The following GRID2 variants were observed in gnomAD, a reference collection of about 807,000 sequenced individuals.
GRID2 encodes the protein glutamate receptor ionotropic, delta-2.
A neutral mutation model predicts 114.8 loss-of-function variants in GRID2; 33 were observed. The ratio of observed to expected loss-of-function variants is 0.29; its 90% CI spans 0.22 to 0.38. GRID2 has a LOEUF of 0.38. GRID2 is among the 10% of genes least tolerant of loss of function. The pLI, the probability that GRID2 is intolerant of heterozygous loss-of-function variation, is 1.00. For missense variants in GRID2, 1,184 were observed against 1,257.7 expected, an observed-to-expected ratio of 0.94 and a Z score of 0.89; for synonymous variants, 505 against 449.9, an observed-to-expected ratio of 1.12 and a Z score of -1.55.
chr4:93,791,395 T>C (rs951597571), intron 1 of GRID2, among the ~76,000 whole-genome samples: 4 of 152,092 alleles, frequency 2.6e-5, no homozygotes, highest in Admixed American at 1.3e-4. Flanking sequence ...AGCAACATTA[T>C]AAAAAGGTCA....
At chr4:92,437,744 T>TACA (rs1171518460) in intron 1 of GRID2, among the ~76,000 whole-genome samples, 5 of 152,238 alleles carry the variant, frequency 3.3e-5, no homozygotes, top group African/African-American at 1.2e-4. Flanking sequence ...ACTTCCTTCT[T>TACA]TCTATATTAC....
chr4:92,452,703 A>G (rs1456005653), intron 1 of GRID2, among the ~76,000 whole-genome samples: 6 of 151,958 alleles, frequency 3.9e-5, no homozygotes, highest in Non-Finnish European at 8.8e-5. Flanking sequence ...TAATACATAT[A>G]ATAACAATTT....
At chr4:92,764,716 T>A (rs1738179316) in intron 2 of GRID2, among the ~76,000 whole-genome samples, 1 of 152,240 alleles carries the variant, frequency 6.6e-6, no homozygotes, top group East Asian at 1.9e-4. Flanking sequence ...ATGAGCAGGA[T>A]CCATGTCTTC....
chr4:92,845,547 A>G (rs1487382052), intron 2 of GRID2, among the ~76,000 whole-genome samples: 1 of 152,024 alleles, frequency 6.6e-6, no homozygotes, highest in Non-Finnish European at 1.5e-5. Flanking sequence ...AAAAATTTTA[A>G]AAAAACATAG....
chr4:92,655,819 T>C (rs1046067499), intron 2 of GRID2, among the ~76,000 whole-genome samples: 6 of 151,884 alleles, frequency 4.0e-5, no homozygotes, highest in African/African-American at 1.4e-4. Context: ...GACTCCCTCT[T>C]TTCCAGTTTG....
At chr4:93,614,857 TA>T (rs1287016413) in intron 13 of GRID2, among the ~76,000 whole-genome samples, 5 of 152,238 alleles carry the variant, frequency 3.3e-5, no homozygotes, top group African/African-American at 9.6e-5. Flanking sequence ...TTAACTGTAT[TA>T]AATAACAACA....
intron 1 of GRID2, among the ~76,000 whole-genome samples, chr4:92,384,616 TTA>T (rs1318300002): frequency 3.4e-5 from 2 of 57,990 alleles, no homozygotes; most frequent in African/African-American, 6.3e-5. Context: ...ATAATATATG[TTA>T]TATATTATAT....
chr4:93,573,354 G>A (rs542521808), intron 13 of GRID2, among the ~76,000 whole-genome samples: 11 of 152,130 alleles, frequency 7.2e-5, no homozygotes, highest in Non-Finnish European at 1.5e-4. Flanking sequence ...TGTCCATCAT[G>A]TGTCTGGCAC....
At chr4:93,441,624 G>A (rs1370188543) in intron 10 of GRID2, among the ~76,000 whole-genome samples, 1 of 151,820 alleles carries the variant, frequency 6.6e-6, no homozygotes, top group Non-Finnish European at 1.5e-5. Flanking sequence ...AGCAATCAAT[G>A]TTCCAACCTC....
At chr4:92,602,232 AAAAG>A (rs760612829) in intron 2 of GRID2, among the ~76,000 whole-genome samples, 10 of 151,482 alleles carry the variant, frequency 6.6e-5, no homozygotes, top group South Asian at 4.2e-4. Flanking sequence ...AGAAAAGAAA[AAAAG>A]AAAGAAAAAG....
At chr4:92,940,223 G>T (rs1750999452) in intron 2 of GRID2, among the ~76,000 whole-genome samples, 1 of 146,876 alleles carries the variant, frequency 6.8e-6, no homozygotes, top group Non-Finnish European at 1.5e-5. Context: ...CCATTTGTTT[G>T]TATCCTCTTT....
At chr4:92,461,883 G>A (rs1721515494) in intron 1 of GRID2, among the ~76,000 whole-genome samples, 1 of 151,910 alleles carries the variant, frequency 6.6e-6, no homozygotes, top group Non-Finnish European at 1.5e-5. Flanking sequence ...CATCAGCCTA[G>A]AAGTGTCTAC....
intron 2 of GRID2, among the ~76,000 whole-genome samples, chr4:92,783,426 A>G (rs947854951): frequency 6.6e-6 from 1 of 152,168 alleles, no homozygotes; most frequent in Admixed American, 6.6e-5. Flanking sequence ...AACTCTGAAC[A>G]TAATGACGTA....
intron 2 of GRID2, among the ~76,000 whole-genome samples, chr4:92,942,709 G>T (rs190340284): frequency 2.6e-5 from 4 of 152,106 alleles, no homozygotes; most frequent in Non-Finnish European, 5.9e-5. Flanking sequence ...GGCTGGTACC[G>T]GTTGTTCCTT....
At chr4:93,413,210 C>G (rs1767377316) in intron 9 of GRID2, among the ~76,000 whole-genome samples, 1 of 152,154 alleles carries the variant, frequency 6.6e-6, no homozygotes, top group African/African-American at 2.4e-5. Flanking sequence ...TACACTCCCA[C>G]CAACAGTGTA....
chr4:93,755,722 A>C (rs1732689284), intron 14 of GRID2, among the ~76,000 whole-genome samples: 1 of 152,218 alleles, frequency 6.6e-6, no homozygotes, highest in African/African-American at 2.4e-5. Flanking sequence ...CTACCAACTA[A>C]AGTGAAGCTA....
chr4:92,687,456 CTT>C (rs1307870665), intron 2 of GRID2, among the ~76,000 whole-genome samples: 1 of 152,070 alleles, frequency 6.6e-6, no homozygotes, highest in East Asian at 1.9e-4. Context: ...GAAAATAACA[CTT>C]ATGTTTATGT....
intron 14 of GRID2, among the ~76,000 whole-genome samples, chr4:93,723,749 G>T (rs1729596096): frequency 1.3e-5 from 2 of 152,250 alleles, no homozygotes; most frequent in East Asian, 3.9e-4. Context: ...TGCCCTCTGT[G>T]CATCAATCTC....
intron 8 of GRID2, among the ~76,000 whole-genome samples, chr4:93,253,120 G>T (rs1433815097): frequency 6.6e-6 from 1 of 151,642 alleles, no homozygotes; most frequent in Non-Finnish European, 1.5e-5. Flanking sequence ...GCTGGGTGTG[G>T]TGGCGGGTGC....
Sources: allele counts gnomAD v4.1 joint callset (sites outside exome capture counted in the v4.1 genomes callset), GRCh38; gene constraint gnomAD v4.1.1; transcripts MANE v1.5; gene names NCBI Gene and HGNC (gene_info 2026-07-23, HGNC 2026-07-21).